Variants in SHISAL1 observed in about 807,000 individuals in gnomAD.
SHISAL1 encodes shisa like 1.
SHISAL1 carries 9 observed loss-of-function variants against 22.6 expected under a neutral mutation model. The ratio of observed to expected loss-of-function variants is 0.40; its 90% CI spans 0.24 to 0.70. SHISAL1 has a LOEUF of 0.70. Among genes scored for constraint, SHISAL1 ranks in the 30% least tolerant of loss-of-function variants. SHISAL1 has a pLI of 0.39. For synonymous variants in SHISAL1, 119 were observed against 115.4 expected, an observed-to-expected ratio of 1.03 and a Z score of -0.20; for missense variants, 246 against 270.6, an observed-to-expected ratio of 0.91 and a Z score of 0.64.
chr22:44,299,883 AAGAC>A (rs1277848060), intron 2 of SHISAL1, among the ~76,000 whole-genome samples: 1 of 149,346 alleles, frequency 6.7e-6, no homozygotes, highest in Admixed American at 6.6e-5. Flanking sequence ...GAGACACAGA[AAGAC>A]AGAGACAGAG....
At chr22:44,309,216 C>T (rs991113005) in intron 1 of SHISAL1, among the ~76,000 whole-genome samples, 7 of 152,182 alleles carry the variant, frequency 4.6e-5, no homozygotes, top group Admixed American at 3.3e-4. Context: ...CAGTTCTGGG[C>T]GTGGGGGATT....
chr22:44,327,257 C>T, the SHISAL1 span, among the ~76,000 whole-genome samples: 1 of 109,462 alleles, frequency 9.1e-6, no homozygotes, highest in Non-Finnish European at 2.4e-5. Flanking sequence ...CACACACACA[C>T]ACACACACAC....
chr22:44,317,163 G>A (rs1316863107), upstream of SHISAL1, among the ~76,000 whole-genome samples: 3 of 152,158 alleles, frequency 2.0e-5, no homozygotes, highest in Non-Finnish European at 4.4e-5. Context: ...GGGGGTTAAT[G>A]AGCCTCCCAC....
chr22:44,288,677 C>T (rs1289413294), intron 3 of SHISAL1, among the ~76,000 whole-genome samples: 1 of 151,928 alleles, frequency 6.6e-6, no homozygotes, highest in Non-Finnish European at 1.5e-5. Context: ...AAATGCTGCT[C>T]CAGCCCAACA....
intron 3 of SHISAL1, among the ~76,000 whole-genome samples, chr22:44,290,040 C>T (rs973481718): frequency 5.3e-5 from 8 of 152,158 alleles, no homozygotes; most frequent in Non-Finnish European, 1.0e-4. Context: ...AACGTCTTCC[C>T]GGGGCACAGG....
chr22:44,321,031 C>T, the SHISAL1 span, among the ~76,000 whole-genome samples: 996 of 152,326 alleles, frequency 6.5e-3, 6 homozygotes, highest in Non-Finnish European at 0.011. Flanking sequence ...CGGGCACTGA[C>T]ATGCCTGGGG....
Position 44,247,425 on chromosome 22 carries a change from C to T in SHISAL1, c.*2260G>A, listed in dbSNP as rs897550405. On this transcript the variant is annotated 3_prime_UTR_variant, in exon 5 of 5. Transcript: ENST00000381176. ...GCTGGGCTAGTGGACAGGCTGTGCACCCCCTTACGGCAACATGGCCCTGGG... is the reference window on the plus strand; with the variant it reads ...GCTGGGCTAGTGGACAGGCTGTGCATCCCCTTACGGCAACATGGCCCTGGG... The T allele has an allele frequency of 2.0e-5, 3 of 152,416 alleles. No individual in the cohort carries two copies. The highest frequency in any genetic ancestry group is 6.5e-5 in the Admixed American group (1 of 15,304). The allele number at this position is 152,416 out of a possible 1,614,324, so 9.4% of individuals were successfully genotyped here.
chr22:44,305,893 G>A (rs2055467747), intron 1 of SHISAL1, among the ~76,000 whole-genome samples: 1 of 152,202 alleles, frequency 6.6e-6, no homozygotes, highest in South Asian at 2.1e-4. Flanking sequence ...TCTGCATGAG[G>A]AGGTAGGGGC....
intron 1 of SHISAL1, among the ~76,000 whole-genome samples, chr22:44,301,202 A>G (rs2055426561): frequency 6.6e-6 from 1 of 152,132 alleles, no homozygotes; most frequent in African/African-American, 2.4e-5. Context: ...TTCATGGCAA[A>G]ATGAGACTTA....
intron 4 of SHISAL1, among the ~76,000 whole-genome samples, chr22:44,257,372 C>G (rs943626201): frequency 3.7e-4 from 57 of 152,314 alleles, no homozygotes; most frequent in African/African-American, 1.2e-3. Context: ...AGAGACCAAT[C>G]AGGCTCAGAC....
intron 4 of SHISAL1, among the ~76,000 whole-genome samples, chr22:44,253,586 T>G (rs185720588): frequency 1.3e-5 from 2 of 149,284 alleles, no homozygotes; most frequent in East Asian, 3.9e-4. Flanking sequence ...TCAACCACCA[T>G]GTCTGGCTAA....
chr22:44,252,894 C>T (rs1234851219), intron 4 of SHISAL1, among the ~76,000 whole-genome samples: 1 of 151,942 alleles, frequency 6.6e-6, no homozygotes, highest in Non-Finnish European at 1.5e-5. Flanking sequence ...ACTCAAGAGG[C>T]TGAGGCAAGA....
At chr22:44,306,595 T>G (rs2055477167) in intron 1 of SHISAL1, among the ~76,000 whole-genome samples, 1 of 104,282 alleles carries the variant, frequency 9.6e-6, no homozygotes, top group Non-Finnish European at 2.0e-5. Context: ...CGATGGCATG[T>G]GTGGAGGGGA....
chr22:44,280,611 C>T (rs961822225), intron 4 of SHISAL1, among the ~76,000 whole-genome samples: 6 of 152,042 alleles, frequency 3.9e-5, no homozygotes, highest in African/African-American at 1.4e-4. Flanking sequence ...AGAGTCAGGC[C>T]ACCAAGGGCT....
chr22:44,268,309 G>T (rs1303468206), intron 4 of SHISAL1, among the ~76,000 whole-genome samples: 1 of 151,996 alleles, frequency 6.6e-6, no homozygotes, highest in Non-Finnish European at 1.5e-5. Context: ...CGAAAATAAA[G>T]ACTCTTTCTC....
At chr22:44,309,132 C>T (rs1379640730) in intron 1 of SHISAL1, among the ~76,000 whole-genome samples, 1 of 152,222 alleles carries the variant, frequency 6.6e-6, no homozygotes, top group African/African-American at 2.4e-5. Flanking sequence ...CCCTCCTGAC[C>T]CCACTGGTCA....
At position 44,248,147 on chromosome 22, in the gene SHISAL1, C is replaced by CCTTCGCCACCTTCCTTCTTCACTGT. The variant is rs2055019207; in HGVS notation, c.*1513_*1537dup. The CCTTCGCCACCTTCCTTCTTCACTGT allele has an allele frequency of 6.6e-6, 1 of 152,294 alleles. No individual in the cohort carries two copies. Among genetic ancestry groups the CCTTCGCCACCTTCCTTCTTCACTGT allele is most frequent in the South Asian group, 2.1e-4 (1 of 4,830 alleles). The allele number at this position is 152,294 out of a possible 1,614,324, so 9.4% of individuals were successfully genotyped here. A position where few individuals can be genotyped will look rare whatever the true frequency, so the allele number is the denominator to read the frequency against. On this transcript the variant is annotated 3_prime_UTR_variant, in exon 5 of 5. Transcript: ENST00000381176. The stretch of plus-strand genomic sequence containing the variant: ...TGAGTTCCCGGCAGAGCACTCACTG[C>CCTTCGCCACCTTCCTTCTTCACTGT]CTTCGCCACCTTCCTTCTTCACTGT...
chr22:44,320,834 T>C, the SHISAL1 span, among the ~76,000 whole-genome samples: 1 of 152,306 alleles, frequency 6.6e-6, no homozygotes, highest in East Asian at 1.9e-4. Flanking sequence ...GGCTTTGCTT[T>C]TGCAGGAAGA....
intron 4 of SHISAL1, among the ~76,000 whole-genome samples, chr22:44,267,867 G>A (rs540874144): frequency 3.3e-5 from 5 of 152,236 alleles, no homozygotes; most frequent in African/African-American, 1.2e-4. Context: ...CAGCTGCCCA[G>A]AGAGGCAGGG....
Sources: allele counts gnomAD v4.1 joint callset (sites outside exome capture counted in the v4.1 genomes callset), GRCh38; gene constraint gnomAD v4.1.1; transcripts MANE v1.5; gene names NCBI Gene and HGNC (gene_info 2026-07-23, HGNC 2026-07-21).